Variants in IFIH1 observed in about 807,000 individuals in gnomAD.
IFIH1 encodes interferon induced with helicase C domain 1, also known as interferon-induced helicase C domain-containing protein 1.
In IFIH1, 125 loss-of-function variants were observed where a neutral mutation model predicts 107.4. The observed-to-expected ratio is 1.16, with a 90% CI of 1.01 to 1.35. The LOEUF is 1.35. Ranked by LOEUF, IFIH1 falls within the 40% of genes most tolerant of loss-of-function variation. The probability of loss-of-function intolerance (pLI) is 0.00; values close to 1 mark genes in which losing one functional copy is unlikely to be tolerated. For missense variants in IFIH1, 1,333 were observed against 1,213.7 expected (o/e 1.10, Z -1.46); for synonymous variants, 458 against 413.2 (o/e 1.11, Z -1.31).
chr2:162,303,543 A>C (rs1248813772), intron 3 of IFIH1, among the ~76,000 whole-genome samples: 5 of 152,124 alleles, frequency 3.3e-5, no homozygotes, highest in African/African-American at 1.2e-4. Flanking sequence ...TGCCTGGCAC[A>C]TGATAGGAGT....
intron 11 of IFIH1, 137 bp from the exon 12 acceptor site, chr2:162,274,081 G>C (rs1576222935): frequency 1.7e-6 from 1 of 573,420 alleles, no homozygotes; most frequent in East Asian, 3.2e-5. Context: ...GTTGCCATCT[G>C]TTTTTGGCAT....
intron 1 of IFIH1, among the ~76,000 whole-genome samples, chr2:162,315,719 T>C (rs931772851): frequency 2.0e-5 from 3 of 152,186 alleles, no homozygotes; most frequent in African/African-American, 7.2e-5. Flanking sequence ...CCTTCTACAG[T>C]CTTATCACAC....
intron 4 of IFIH1, among the ~76,000 whole-genome samples, chr2:162,291,644 G>A (rs1682999153): frequency 6.6e-6 from 1 of 151,732 alleles, no homozygotes; most frequent in African/African-American, 2.4e-5. Context: ...GACCTCTGGA[G>A]GAGGAGGAAG....
chr2:162,279,379 C>T (rs1437080312), intron 8 of IFIH1, among the ~76,000 whole-genome samples: 1 of 151,870 alleles, frequency 6.6e-6, no homozygotes, highest in Non-Finnish European at 1.5e-5. Flanking sequence ...TACATATGGC[C>T]AGAATTTGTA....
intron 3 of IFIH1, among the ~76,000 whole-genome samples, chr2:162,301,582 A>C (rs2105221644): frequency 6.6e-6 from 1 of 152,330 alleles, no homozygotes; most frequent in East Asian, 1.9e-4. Context: ...TAGTATAATG[A>C]AAAAAGGTTA....
intron 5 of IFIH1, among the ~76,000 whole-genome samples, chr2:162,284,371 C>T (rs940840222): frequency 6.6e-6 from 1 of 151,982 alleles, no homozygotes; most frequent in African/African-American, 2.4e-5. Context: ...TGGACAAGGT[C>T]TCAATCATCT....
intron 3 of IFIH1, among the ~76,000 whole-genome samples, chr2:162,296,425 A>G (rs1015658809): frequency 9.2e-5 from 14 of 152,146 alleles, no homozygotes; most frequent in African/African-American, 3.4e-4. Flanking sequence ...TGTGGTAGAT[A>G]CATATTATCT....
chr2:162,312,204 T>C (rs886196051), intron 1 of IFIH1, among the ~76,000 whole-genome samples: 1 of 152,200 alleles, frequency 6.6e-6, no homozygotes, highest in African/African-American at 2.4e-5. Flanking sequence ...CTGGCACTAA[T>C]TCAGTGTTAG....
intron 7 of IFIH1, 71 bp downstream of exon 7, chr2:162,281,257 A>C (rs1306181815): frequency 3.3e-5 from 40 of 1,200,092 alleles, no homozygotes; most frequent in Non-Finnish European, 3.8e-5. Flanking sequence ...AATCTTATTT[A>C]ATAAGACCAA....
At chr2:162,303,324 C>T (rs1212336028) in intron 3 of IFIH1, among the ~76,000 whole-genome samples, 3 of 152,128 alleles carry the variant, frequency 2.0e-5, no homozygotes, top group Non-Finnish European at 2.9e-5. Context: ...CCATGGTGGT[C>T]AGGCTGGTCT....
intron 3 of IFIH1, among the ~76,000 whole-genome samples, chr2:162,303,846 T>C (rs1184044288): frequency 6.6e-6 from 1 of 152,176 alleles, no homozygotes; most frequent in Admixed American, 6.5e-5. Context: ...ATTAGTCTGG[T>C]AATCTTTGAT....
In IFIH1 at chr2:162,318,150, G is replaced by A; in HGVS notation, c.158C>T (p.Ser53Phe). ...CAGTTCAACTGCCTGCATGTTCCCG[G>A]AGGTGGCGACTGTCCTCTGAATCTG... is the stretch of plus-strand genomic sequence containing the variant. ...KEQIQRTVAT[S>F]GNMQAVELLL... The change falls in exon 1 of 16, where the codon TCC becomes TTC. Residue 53 changes from serine to phenylalanine, a missense_variant. By Grantham distance (155) the Ser-to-Phe change is radical. Coordinates refer to ENST00000649979, the MANE Select transcript of IFIH1 (RefSeq NM_022168.4). The A allele has an allele frequency of 6.2e-7, 1 of 1,614,220 alleles. No individual in the cohort carries two copies. Among genetic ancestry groups the A allele is most frequent in the South Asian group, 1.1e-5 (1 of 91,086 alleles).
At position 162,310,750 on chromosome 2, in the gene IFIH1, T is replaced by C. The variant is rs200515533; in HGVS notation, c.622+15A>G. On this transcript the variant is annotated intron_variant, in intron 2 of 15. Transcript: ENST00000649979. ...GCAGAATTTGAAGAATCTTCCTCAG[T>C]AAAATTACAAATACCTGCATTGCTT... 1.3e-5 allele frequency: 21 copies of C among 1,607,782 alleles called. No individual in the cohort carries two copies. In the East Asian group the frequency reaches 3.8e-4, roughly 29 times the overall value.
intron 4 of IFIH1, 24 bp from the exon 5 acceptor site, chr2:162,288,379 TA>T (rs1682934003): frequency 1.3e-6 from 2 of 1,566,152 alleles, no homozygotes; most frequent in Non-Finnish European, 1.8e-6. Context: ...AAAAGAAAAA[TA>T]AGAGAAGGGA....
chr2:162,287,978 T>C (rs983452031), intron 5 of IFIH1, among the ~76,000 whole-genome samples, 157 bp downstream of exon 5: 3 of 151,928 alleles, frequency 2.0e-5, no homozygotes, highest in Non-Finnish European at 4.4e-5. Flanking sequence ...ATATTACATA[T>C]ACCTAAAAAA....
In IFIH1 at chr2:162,280,126, A is replaced by C. The variant is rs1368984750; in HGVS notation, c.1525-14T>G. 1 of 1,286,032 alleles carries C rather than the reference A, an allele frequency of 7.8e-7. No homozygotes were observed. Among genetic ancestry groups the C allele is most frequent in the Non-Finnish European group, 1.1e-6 (1 of 890,110 alleles). The allele number at this position is 1,286,032 out of a possible 1,614,324, so 79.7% of individuals were successfully genotyped here. A position where few individuals can be genotyped will look rare whatever the true frequency, so the allele number is the denominator to read the frequency against. On this transcript the variant is annotated splice_polypyrimidine_tract_variant and intron_variant, in intron 7 of 15. Transcript: ENST00000649979. ...ATTGGCACATAGCTGGAAAAGAGAC[A>C]TTTTTCAATATTTATGCAATTATTT...
chr2:162,286,073 T>G (rs368513903), intron 5 of IFIH1, among the ~76,000 whole-genome samples: 1 of 151,950 alleles, frequency 6.6e-6, no homozygotes, highest in Non-Finnish European at 1.5e-5. Flanking sequence ...TGCCCAACTC[T>G]GGACACCGCA....
rs2105208964 is a variant in IFIH1, at chr2:162,288,222, G to T, written c.1008C>A (p.Thr336=). Residue 336 remains threonine (T), a synonymous_variant, in exon 5 of 16, where the codon ACC becomes ACA. Coordinates refer to ENST00000649979, the MANE Select transcript of IFIH1 (RefSeq NM_022168.4). ...CCTTGGCAATGTAAACAGCCACTCT[G>T]GTTTTTCCACTCCCTGTAGGGAGGC... ...IICLPTGSGK[T]RVAVYIAKDH... The T allele has an allele frequency of 6.2e-7, 1 of 1,612,714 alleles. No individual in the cohort carries two copies. Among genetic ancestry groups the T allele is most frequent in the Non-Finnish European group, 8.5e-7 (1 of 1,179,186 alleles).
chr2:162,279,956 A>ATTATAT, intron 8 of IFIH1, 40 bp downstream of exon 8: 1 of 995,732 alleles, frequency 1.0e-6, no homozygotes, highest in South Asian at 1.3e-5. Flanking sequence ...TACTGAATGT[A>ATTATAT]GTATTGTCAA....
Sources: gnomAD v4.1 joint callset for allele counts (sites outside exome capture counted in the v4.1 genomes callset) on GRCh38, gnomAD v4.1.1 for gene constraint, MANE v1.5 for transcripts, NCBI Gene and HGNC (gene_info 2026-07-23, HGNC 2026-07-21) for gene names.